The following SPATA16 variants were observed in gnomAD, a reference collection of about 807,000 sequenced individuals.
SPATA16 encodes spermatogenesis-associated protein 16.
Under a neutral mutation model 63.3 loss-of-function variants are expected in SPATA16, and 36 were observed. That is an observed-to-expected ratio of 0.57 (90% CI 0.44 to 0.75). The LOEUF is 0.75. SPATA16 is among the 30% of genes least tolerant of loss of function. The pLI, the probability that SPATA16 is intolerant of heterozygous loss-of-function variation, is 0.00. For missense variants in SPATA16, 646 were observed against 679.3 expected (o/e 0.95, Z 0.54); for synonymous variants, 203 against 216.7 (o/e 0.94, Z 0.56).
At chr3:173,129,372 C>T (rs953467107) in intron 1 of SPATA16, among the ~76,000 whole-genome samples, 6 of 152,106 alleles carry the variant, frequency 3.9e-5, no homozygotes, top group African/African-American at 1.4e-4. Flanking sequence ...TTTGATGTAT[C>T]TTGGTTTCCT....
intron 4 of SPATA16, among the ~76,000 whole-genome samples, chr3:173,018,442 T>C (rs1735245565): frequency 6.6e-6 from 1 of 151,970 alleles, no homozygotes; most frequent in African/African-American, 2.4e-5. Flanking sequence ...GCCAGGCTAA[T>C]TTTTTGTGTT....
At chr3:173,074,455 A>G in intron 2 of SPATA16, among the ~76,000 whole-genome samples, 1 of 152,136 alleles carries the variant, frequency 6.6e-6, no homozygotes, top group East Asian at 1.9e-4. Flanking sequence ...GTGGTAGTGA[A>G]TAAGTCTCAT....
intron 3 of SPATA16, among the ~76,000 whole-genome samples, chr3:173,040,373 A>T (rs192290655): frequency 5.5e-4 from 84 of 152,278 alleles, no homozygotes; most frequent in Non-Finnish European, 9.8e-4. Flanking sequence ...AATTCATATG[A>T]CAATCACAAA....
At chr3:173,104,010 C>G (rs1288177827) in intron 2 of SPATA16, among the ~76,000 whole-genome samples, 1 of 152,188 alleles carries the variant, frequency 6.6e-6, no homozygotes, top group Non-Finnish European at 1.5e-5. Context: ...GAAATTTCTT[C>G]TGCTAGATAG....
intron 3 of SPATA16, among the ~76,000 whole-genome samples, chr3:173,030,339 G>A (rs1282965188): frequency 6.6e-6 from 1 of 151,906 alleles, no homozygotes; most frequent in Admixed American, 6.6e-5. Context: ...TCTGTTACAG[G>A]GTTGATATCC....
chr3:173,104,162 T>C (rs993278903), intron 2 of SPATA16, among the ~76,000 whole-genome samples: 3 of 152,300 alleles, frequency 2.0e-5, no homozygotes, highest in Admixed American at 6.5e-5. Context: ...GACTTCACTG[T>C]CCATATCACT....
At chr3:172,969,795 G>T (rs988249829) in intron 5 of SPATA16, among the ~76,000 whole-genome samples, 1 of 152,168 alleles carries the variant, frequency 6.6e-6, no homozygotes, top group Non-Finnish European at 1.5e-5. Context: ...GGGCTTGATC[G>T]TGTGGCTTGC....
rs776236874 is a variant in SPATA16 at position 173,019,506 on chromosome 3, C to T, written c.828G>A (p.Glu276=). The T allele has an allele frequency of 1.8e-5, 29 of 1,613,896 alleles. No individual in the cohort carries two copies. The highest frequency in any genetic ancestry group is 6.7e-5 in the East Asian group (3 of 44,876). The change falls in exon 4 of 11, where the codon GAG becomes GAA. Residue 276 remains glutamate, a synonymous_variant. Coordinates refer to ENST00000351008, the MANE Select transcript of SPATA16 (RefSeq NM_031955.6). ...CATACCGGGCAGCCTCTGAATACCT[C>T]TCCAGACATCTAAACACTGTTGCTT... ...LRQATVFRCL[E]RYSEAARSAM...
intron 2 of SPATA16, among the ~76,000 whole-genome samples, chr3:173,116,305 C>T (rs1373946207): frequency 6.6e-6 from 1 of 152,140 alleles, no homozygotes; most frequent in East Asian, 1.9e-4. Context: ...GCCCAGCAGG[C>T]ATATATAGTA....
chr3:172,946,937 T>G (rs187188580), intron 6 of SPATA16, among the ~76,000 whole-genome samples: 14 of 152,150 alleles, frequency 9.2e-5, no homozygotes, highest in African/African-American at 2.7e-4. Context: ...GTCCCAGTTG[T>G]CATGGCCATA....
chr3:172,925,468 G>A lies in SPATA16; in HGVS notation c.1106C>T (p.Pro369Leu). The change falls in exon 7 of 11, where the codon CCT becomes CTT. Residue 369 changes from proline (P) to leucine (L), a missense_variant. By Grantham distance (98) the Pro-to-Leu change is moderately conservative. Coordinates refer to ENST00000351008, the MANE Select transcript of SPATA16 (RefSeq NM_031955.6). Reference protein sequence around the residue: ...YTDLQALHMLPQTVDWSSFPP... With the variant: ...YTDLQALHMLLQTVDWSSFPP... ...AAAAGATGACCAGTCAACTGTCTGA[G>A]GCAACATGTGGAGTGCTTGAAGATC... 6.2e-7 allele frequency: 1 copy of A among 1,614,032 alleles called. No homozygotes were observed. Among genetic ancestry groups the A allele is most frequent in the Non-Finnish European group, 8.5e-7 (1 of 1,179,942 alleles).
chr3:172,889,751 T>G, intron 10 of SPATA16, 59 bp from the exon 11 acceptor site: 1 of 1,597,816 alleles, frequency 6.3e-7, no homozygotes, highest in East Asian at 2.2e-5. Context: ...TTTTGTATAC[T>G]TATAAAAACG....
intron 2 of SPATA16, among the ~76,000 whole-genome samples, chr3:173,060,566 C>T (rs982444254): frequency 1.2e-4 from 18 of 152,144 alleles, no homozygotes; most frequent in Admixed American, 2.6e-4. Context: ...AGAATTTTTA[C>T]AATTTCTAAG....
intron 6 of SPATA16, among the ~76,000 whole-genome samples, chr3:172,947,049 C>T (rs73882545): frequency 0.087 from 13,276 of 152,126 alleles, 1,937 homozygotes; most frequent in African/African-American, 0.3. Flanking sequence ...AGAGTCTCTA[C>T]CTGGTAGTCC....
chr3:172,988,848 G>A (rs1734512807), intron 4 of SPATA16, among the ~76,000 whole-genome samples: 1 of 152,138 alleles, frequency 6.6e-6, no homozygotes, highest in African/African-American at 2.4e-5. Flanking sequence ...ATGTTGGCCA[G>A]GCTGGTCTCG....
intron 3 of SPATA16, among the ~76,000 whole-genome samples, chr3:173,020,232 G>A (rs1735294552): frequency 6.6e-6 from 1 of 152,034 alleles, no homozygotes; most frequent in African/African-American, 2.4e-5. Flanking sequence ...GGGAGGCAGA[G>A]GTTGCAGTGA....
At chr3:173,012,839 A>C (rs2108272675) in intron 4 of SPATA16, among the ~76,000 whole-genome samples, 1 of 152,342 alleles carries the variant, frequency 6.6e-6, no homozygotes, top group Non-Finnish European at 1.5e-5. Context: ...AAGAAAACCT[A>C]GGATATACCT....
chr3:172,970,604 C>T (rs1734027530), intron 5 of SPATA16, among the ~76,000 whole-genome samples: 1 of 152,154 alleles, frequency 6.6e-6, no homozygotes. Flanking sequence ...AATCTAAATA[C>T]TATAGAGCCT....
chr3:173,107,470 T>TA (rs1553803751), intron 2 of SPATA16, among the ~76,000 whole-genome samples: 2 of 151,650 alleles, frequency 1.3e-5, no homozygotes, highest in Non-Finnish European at 2.9e-5. Context: ...TTTTTTTTTT[T>TA]ACTCCCTAAG....
Sources: gnomAD v4.1 joint callset for allele counts (sites outside exome capture counted in the v4.1 genomes callset) on GRCh38, gnomAD v4.1.1 for gene constraint, MANE v1.5 for transcripts, NCBI Gene and HGNC (gene_info 2026-07-23, HGNC 2026-07-21) for gene names.